The following PEX11A variants were observed in gnomAD, a reference collection of about 807,000 sequenced individuals.
The protein encoded by PEX11A is peroxisomal membrane protein 11A.
A neutral mutation model predicts 14.4 loss-of-function variants in PEX11A; 13 were observed. The observed-to-expected ratio is 0.90, with a 90% CI of 0.59 to 1.43. PEX11A has a LOEUF of 1.43. PEX11A is among the 40% of genes most tolerant of loss of function. The pLI is 0.00. For missense variants in PEX11A, 290 were observed against 302.8 expected (o/e 0.96, Z 0.31); for synonymous variants, 101 against 113.0 (o/e 0.89, Z 0.67).
At position 89,681,822 on chromosome 15, in the gene PEX11A, G is replaced by C. The variant is rs1024830905; in HGVS notation, c.*1555C>G. 1 of 300,910 alleles carries C rather than the reference G, an allele frequency of 3.3e-6. No individual in the cohort carries two copies. Among genetic ancestry groups the C allele is most frequent in the Non-Finnish European group, 6.2e-6 (1 of 161,484 alleles). 18.6% of individuals were successfully genotyped at this position (300,910 alleles called of 1,614,324 possible). Reference sequence around the variant, plus strand: ...GATAAATGACACAGCTTTGCTGGGAGGACTGACATCGGCCTCCTACCTGCT... The same window carrying C: ...GATAAATGACACAGCTTTGCTGGGACGACTGACATCGGCCTCCTACCTGCT... On this transcript the variant is annotated 3_prime_UTR_variant, in exon 3 of 3. Coordinates refer to ENST00000300056, the MANE Select transcript of PEX11A (RefSeq NM_003847.3).
At chr15:89,684,267 A>T (rs911796810) in intron 2 of PEX11A, among the ~76,000 whole-genome samples, 3 of 152,208 alleles carry the variant, frequency 2.0e-5, no homozygotes, top group Non-Finnish European at 4.4e-5. Flanking sequence ...AAAGAGAAAG[A>T]TTTTACAGTA....
At chr15:89,684,695 C>T in intron 2 of PEX11A, among the ~76,000 whole-genome samples, 1 of 152,218 alleles carries the variant, frequency 6.6e-6, no homozygotes, top group Non-Finnish European at 1.5e-5. Flanking sequence ...ATTAAATCAA[C>T]CATTGCAATG....
chr15:89,690,723 T>A lies in PEX11A; in HGVS notation c.-91A>T. On this transcript the variant is annotated 5_prime_UTR_variant, in exon 1 of 3. Coordinates refer to ENST00000300056, the MANE Select transcript of PEX11A (RefSeq NM_003847.3). The stretch of plus-strand genomic sequence containing the variant: ...TCCCCAGGGAACGGTCAGTCCCAGG[T>A]TATCCGCTGAGGGGGAGGGGCTGAG... 1 of 921,410 alleles carries A rather than the reference T, an allele frequency of 1.1e-6. No homozygotes were observed. Among genetic ancestry groups the A allele is most frequent in the East Asian group, 2.8e-5 (1 of 35,632 alleles). 57.1% of individuals were successfully genotyped at this position (921,410 alleles called of 1,614,324 possible). A position where few individuals can be genotyped will look rare whatever the true frequency, so the allele number is the denominator to read the frequency against.
At chr15:89,686,326 A>G in intron 2 of PEX11A, 105 bp downstream of exon 2, 1 of 634,910 alleles carries the variant, frequency 1.6e-6, no homozygotes, top group Non-Finnish European at 2.8e-6. Flanking sequence ...AATAAACTTG[A>G]TTGACTAGAA....
In PEX11A at chr15:89,683,772, CTT is replaced by C; in HGVS notation, c.347_348del (p.Lys116ArgfsTer25). On this transcript the variant is annotated frameshift_variant, in exon 3 of 3. Coordinates refer to ENST00000300056, the MANE Select transcript of PEX11A (RefSeq NM_003847.3). LOFTEE classifies it low-confidence loss of function (END_TRUNC). ...RSVGLTSGIN[K>X]EKWRTRAAHH... Reference sequence around the variant, plus strand: ...TGAGCAGCCCTCGTTCGCCATTTCTCTTTGTTGATGCCAGAGGTGAGACCTAC... The same window carrying C: ...TGAGCAGCCCTCGTTCGCCATTTCTCTGTTGATGCCAGAGGTGAGACCTAC... The C allele has an allele frequency of 3.1e-6, 5 of 1,614,166 alleles. No homozygotes were observed. Among genetic ancestry groups the C allele is most frequent in the Non-Finnish European group, 4.2e-6 (5 of 1,180,014 alleles).
intron 1 of PEX11A, among the ~76,000 whole-genome samples, chr15:89,688,794 C>A (rs983562634): frequency 1.3e-5 from 2 of 151,982 alleles, no homozygotes; most frequent in Non-Finnish European, 2.9e-5. Context: ...TGGCTCACTG[C>A]AAGCTTTGCC....
chr15:89,686,212 G>T (rs142640849), intron 2 of PEX11A, among the ~76,000 whole-genome samples: 2 of 152,336 alleles, frequency 1.3e-5, no homozygotes, highest in African/African-American at 4.8e-5. Flanking sequence ...AGAAAGATAA[G>T]GTGTAGCACC....
At chr15:89,689,009 C>T (rs532009349) in intron 1 of PEX11A, among the ~76,000 whole-genome samples, 13 of 152,322 alleles carry the variant, frequency 8.5e-5, no homozygotes, top group Admixed American at 4.6e-4. Context: ...CCACTGCACC[C>T]GGCCTAAATG....
chr15:89,684,322 G>C (rs1301881781), intron 2 of PEX11A, among the ~76,000 whole-genome samples: 1 of 152,200 alleles, frequency 6.6e-6, no homozygotes, highest in Non-Finnish European at 1.5e-5. Context: ...AAAATACAGT[G>C]ACTCTTTAAA....
chr15:89,689,300 G>C (rs1420810856), intron 1 of PEX11A, among the ~76,000 whole-genome samples: 1 of 152,090 alleles, frequency 6.6e-6, no homozygotes, highest in African/African-American at 2.4e-5. Flanking sequence ...AAAATATTTA[G>C]AGTATCTACC....
Position 89,681,869 on chromosome 15 carries a change from A to C in PEX11A, c.*1508T>G. On this transcript the variant is annotated 3_prime_UTR_variant, in exon 3 of 3. Coordinates refer to ENST00000300056, the MANE Select transcript of PEX11A (RefSeq NM_003847.3). ...TGCTGGCATCCTATTTCTCTACCTCACCTCCCTCAAACTAAAGGATCTGTA... is the reference window on the plus strand; with the variant it reads ...TGCTGGCATCCTATTTCTCTACCTCCCCTCCCTCAAACTAAAGGATCTGTA... 4.3e-6 allele frequency: 1 copy of C among 230,494 alleles called. No homozygotes were observed. 14.3% of individuals were successfully genotyped at this position (230,494 alleles called of 1,614,324 possible). A position where few individuals can be genotyped will look rare whatever the true frequency, so the allele number is the denominator to read the frequency against.
chr15:89,683,581 A>G lies in PEX11A; in HGVS notation c.540T>C (p.Phe180=), dbSNP rs753361831. The part of the protein sequence containing the change: ...AEEETEWLQS[F]LLLLFRSLKQ... ...TCAGAGATCGGAATAAAAGAAGTAG[A>G]AAGGATTGGAGCCATTCTGTTTCCT... The change falls in exon 3 of 3, where the codon TTT becomes TTC. Residue 180 remains phenylalanine, a synonymous_variant. Transcript: ENST00000300056. The G allele has an allele frequency of 6.2e-7, 1 of 1,614,118 alleles. No homozygotes were observed. Among genetic ancestry groups the G allele is most frequent in the South Asian group, 1.1e-5 (1 of 91,080 alleles).
At chr15:89,690,225 A>G (rs1964793978) in intron 1 of PEX11A, among the ~76,000 whole-genome samples, 1 of 152,214 alleles carries the variant, frequency 6.6e-6, no homozygotes, top group African/African-American at 2.4e-5. Context: ...GATCCCTCGG[A>G]AGAATGTTGA....
intron 1 of PEX11A, among the ~76,000 whole-genome samples, chr15:89,688,746 C>T (rs185365876): frequency 4.7e-5 from 7 of 150,040 alleles, no homozygotes; most frequent in Non-Finnish European, 1.0e-4. Flanking sequence ...GAAGGAGTCT[C>T]GCTCTGTTGC....
intron 2 of PEX11A, among the ~76,000 whole-genome samples, chr15:89,685,637 C>T (rs1964666266): frequency 6.6e-6 from 1 of 152,004 alleles, no homozygotes; most frequent in Non-Finnish European, 1.5e-5. Flanking sequence ...ACCTCAAGTT[C>T]CACCTCCTCT....
intron 2 of PEX11A, among the ~76,000 whole-genome samples, chr15:89,686,049 G>A (rs1314331841): frequency 6.6e-6 from 1 of 152,144 alleles, no homozygotes; most frequent in Non-Finnish European, 1.5e-5. Context: ...AAGGAAAAAG[G>A]CAGGTGGTCT....
Position 89,683,924 on chromosome 15 carries a change from T to C in PEX11A, c.197A>G (p.His66Arg), listed in dbSNP as rs549691532. 5.6e-6 allele frequency: 9 copies of C among 1,612,942 alleles called. No homozygotes were observed. Among genetic ancestry groups the C allele is most frequent in the Middle Eastern group, 3.3e-4 (2 of 6,082 alleles). Reference protein sequence around the residue: ...RKWFRLGNVVHAIQATEQSIH... With the variant: ...RKWFRLGNVVRAIQATEQSIH... ...GCTCTGCTCAGTTGCCTGTATAGCA[T>C]GTACCACATTGCCTAGTCTGAACCC... is the stretch of plus-strand genomic sequence containing the variant. The change falls in exon 3 of 3, where the codon CAT (histidine) becomes CGT (arginine). Residue 66 changes from histidine (H) to arginine (R), a missense_variant. His to Arg is a conservative substitution (Grantham distance 29). Transcript: ENST00000300056.
At position 89,681,603 on chromosome 15, in the gene PEX11A, A is replaced by G. The variant is rs1207942996; in HGVS notation, c.*1774T>C. Reference sequence around the variant, plus strand: ...GAGGATCTGGACAATAAAAATAGTTATTTAAGCTTTTTATTTTCCCTGACC... The same window carrying G: ...GAGGATCTGGACAATAAAAATAGTTGTTTAAGCTTTTTATTTTCCCTGACC... On this transcript the variant is annotated 3_prime_UTR_variant, in exon 3 of 3. Coordinates refer to ENST00000300056, the MANE Select transcript of PEX11A (RefSeq NM_003847.3). 4.5e-6 allele frequency: 3 copies of G among 669,000 alleles called. No homozygotes were observed. 41.4% of individuals were successfully genotyped at this position (669,000 alleles called of 1,614,324 possible). A position where few individuals can be genotyped will look rare whatever the true frequency, so the allele number is the denominator to read the frequency against.
chr15:89,683,742 A>G lies in PEX11A; in HGVS notation c.379T>C (p.Tyr127His), dbSNP rs1269683748. The G allele has an allele frequency of 6.2e-7, 1 of 1,613,926 alleles. No individual in the cohort carries two copies. Among genetic ancestry groups the G allele is most frequent in the East Asian group, 2.2e-5 (1 of 44,882 alleles). The change falls in exon 3 of 3, where the codon TAC (tyrosine) becomes CAC (histidine). Residue 127 changes from tyrosine to histidine, a missense_variant. Tyr to His is a moderately conservative substitution (Grantham distance 83, BLOSUM62 2). Coordinates refer to ENST00000300056, the MANE Select transcript of PEX11A (RefSeq NM_003847.3). Reference sequence around the variant, plus strand: ...AGGCTCAGCAGAAGAGAATAGTAGTAGTGGTGAGCAGCCCTCGTTCGCCAT... The same window carrying G: ...AGGCTCAGCAGAAGAGAATAGTAGTGGTGGTGAGCAGCCCTCGTTCGCCAT... ...EKWRTRAAHH[Y>H]YYSLLLSLVR...
Sources: allele counts gnomAD v4.1 joint callset (sites outside exome capture counted in the v4.1 genomes callset), GRCh38; gene constraint gnomAD v4.1.1; transcripts MANE v1.5; gene names NCBI Gene and HGNC (gene_info 2026-07-23, HGNC 2026-07-21).